DNAH5: variants seen among roughly 807,000 people sequenced by gnomAD.
DNAH5 encodes the protein dynein axonemal heavy chain 5.
A neutral mutation model predicts 518.2 loss-of-function variants in DNAH5; 372 were observed. The ratio of observed to expected loss-of-function variants is 0.72; its 90% CI spans 0.66 to 0.78. The LOEUF (loss-of-function observed/expected upper bound fraction) is 0.78, where lower values mean the gene tolerates loss of function less well. Among genes scored for constraint, DNAH5 ranks in the 30% least tolerant of loss-of-function variants. The pLI is 0.00. For missense variants in DNAH5, 5,523 were observed against 5,687.0 expected (o/e 0.97, Z 0.93); for synonymous variants, 2,039 against 2,025.9 (o/e 1.01, Z -0.17).
Position 13,883,023 on chromosome 5 carries a change from G to A in DNAH5, c.3055C>T (p.Pro1019Ser), listed in dbSNP as rs753792086. ...IFRASVTLAI[P>S]NIVMAPALED... The stretch of plus-strand genomic sequence containing the variant: ...AGGGCAGGGGCCATGACGATGTTGG[G>A]AATGGCCAGAGTGACGCTTGCCCGG... The change falls in exon 20 of 79, where the codon CCC (proline) becomes TCC (serine). Residue 1019 changes from proline (P) to serine (S), a missense_variant. By Grantham distance (74) the Pro-to-Ser change is moderately conservative. Coordinates refer to ENST00000265104, the MANE Select transcript of DNAH5 (RefSeq NM_001369.3). 1.2e-6 allele frequency: 2 copies of A among 1,614,180 alleles called. No homozygotes were observed. Among genetic ancestry groups the A allele is most frequent in the South Asian group, 1.1e-5 (1 of 91,078 alleles).
At chr5:13,935,523 T>C (rs973935266) in intron 1 of DNAH5, among the ~76,000 whole-genome samples, 1 of 152,250 alleles carries the variant, frequency 6.6e-6, no homozygotes, top group Non-Finnish European at 1.5e-5. Flanking sequence ...AAACTGATTG[T>C]TCTATTGCCT....
intron 35 of DNAH5, among the ~76,000 whole-genome samples, chr5:13,831,824 G>C (rs575688740): frequency 6.6e-6 from 1 of 152,318 alleles, no homozygotes; most frequent in Admixed American, 6.5e-5. Context: ...AGACACCACA[G>C]TGTGCTCCAC....
At chr5:13,854,276 A>C (rs2151890898) in intron 30 of DNAH5, among the ~76,000 whole-genome samples, 1 of 152,358 alleles carries the variant, frequency 6.6e-6, no homozygotes, top group South Asian at 2.1e-4. Flanking sequence ...ACTAAGCTTC[A>C]TAAATGAAGG....
chr5:13,900,690 A>T (rs1247483606), intron 14 of DNAH5: 1 of 467,088 alleles, frequency 2.1e-6, no homozygotes, highest in South Asian at 2.4e-5. Context: ...TGGCGTCTCA[A>T]AAGCCATTTA....
rs1460133221 is a variant in DNAH5, at chr5:13,862,615, T to C, written c.4729A>G (p.Ser1577Gly). The C allele has an allele frequency of 1.2e-6, 2 of 1,614,064 alleles. No homozygotes were observed. The highest frequency in any genetic ancestry group is 1.1e-5 in the South Asian group (1 of 91,078). The change falls in exon 29 of 79, where the codon AGT (serine) becomes GGT (glycine). Residue 1577 changes from serine (S) to glycine (G), a missense_variant. Ser to Gly is a moderately conservative substitution (Grantham distance 56). This residue lies in a region of DNAH5 where 5,121 missense variants were observed against 5,223.3 expected (regional missense o/e 0.98). Transcript: ENST00000265104. ...ATGTTGGCGATGATTTCCGAGGTAC[T>C]GTCTCCTCTCAAGAGGAGCTCTCCA... Reference protein sequence around the residue: ...TRGELLLRGDSTSEIIANMED... With the variant: ...TRGELLLRGDGTSEIIANMED...
chr5:13,916,449 T>A lies in DNAH5; in HGVS notation c.1096A>T (p.Met366Leu). 6.5e-7 allele frequency: 1 copy of A among 1,538,750 alleles called. No individual in the cohort carries two copies. Among genetic ancestry groups the A allele is most frequent in the South Asian group, 1.1e-5 (1 of 89,538 alleles). The change falls in exon 9 of 79, where the codon ATG (methionine) becomes TTG (leucine). Residue 366 changes from methionine to leucine, a missense_variant. By Grantham distance (15) the Met-to-Leu change is conservative. This residue lies in a region of DNAH5 where 5,121 missense variants were observed against 5,223.3 expected (regional missense o/e 0.98). Coordinates refer to ENST00000265104, the MANE Select transcript of DNAH5 (RefSeq NM_001369.3). ...DPLYSSDPLS[M>L]MDAIPTLINA... ...ATAAGTGTAGGAATAGCATCCATCA[T>A]GGATAGCTGAAAGATATCACCAAAG... is the stretch of plus-strand genomic sequence containing the variant.
intron 58 of DNAH5, among the ~76,000 whole-genome samples, chr5:13,767,115 T>C (rs560144011): frequency 6.6e-6 from 1 of 152,098 alleles, no homozygotes; most frequent in Non-Finnish European, 1.5e-5. Flanking sequence ...TGTATATATA[T>C]ATAGTTTTGC....
chr5:14,010,313 A>G (rs75120643), intron 1 of DNAH5, among the ~76,000 whole-genome samples: 4,272 of 152,266 alleles, frequency 0.028, 76 homozygotes, highest in Middle Eastern at 0.085. Flanking sequence ...GTTCAACTCG[A>G]ACAGACCAAG....
intron 15 of DNAH5, chr5:13,899,711 T>C (rs1010594570): frequency 1.2e-5 from 2 of 162,762 alleles, no homozygotes; most frequent in Non-Finnish European, 2.7e-5. Context: ...CTTTAATTCA[T>C]GGAACTGCTC....
At chr5:14,008,531 T>G (rs1477426036) in intron 1 of DNAH5, among the ~76,000 whole-genome samples, 1 of 151,648 alleles carries the variant, frequency 6.6e-6, no homozygotes, top group African/African-American at 2.4e-5. Flanking sequence ...AGCTGTGGTA[T>G]GAGAATCACA....
At chr5:13,753,069 A>G (rs1750465198) in intron 63 of DNAH5, among the ~76,000 whole-genome samples, 164 bp downstream of exon 63, 1 of 152,226 alleles carries the variant, frequency 6.6e-6, no homozygotes, top group Admixed American at 6.5e-5. Flanking sequence ...TGAAAGTTTT[A>G]GAAAATATTT....
chr5:13,900,390 A>G lies in DNAH5; in HGVS notation c.2075T>C (p.Leu692Pro). 1 of 1,614,184 alleles carries G rather than the reference A, an allele frequency of 6.2e-7. No homozygotes were observed. The highest frequency in any genetic ancestry group is 8.5e-7 in the Non-Finnish European group (1 of 1,180,006). The change falls in exon 15 of 79, where the codon CTT (leucine) becomes CCT (proline). Residue 692 changes from leucine to proline, a missense_variant. By Grantham distance (98) the Leu-to-Pro change is moderately conservative. Transcript: ENST00000265104. Reference sequence around the variant, plus strand: ...AGCCTTCACCAATAATGAAGCCTCAAGACCTACATGAATTTCTTCAATCTG... The same window carrying G: ...AGCCTTCACCAATAATGAAGCCTCAGGACCTACATGAATTTCTTCAATCTG... ...LRQIEEIHVG[L>P]EASLLVKAPG...
intron 1 of DNAH5, among the ~76,000 whole-genome samples, chr5:13,962,915 C>T (rs1781279050): frequency 6.6e-6 from 1 of 152,124 alleles, no homozygotes; most frequent in African/African-American, 2.4e-5. Flanking sequence ...AGCTGCTCGG[C>T]CAGCCTCACA....
intron 1 of DNAH5, among the ~76,000 whole-genome samples, chr5:14,005,430 G>C (rs934994686): frequency 6.6e-6 from 1 of 152,072 alleles, no homozygotes; most frequent in Non-Finnish European, 1.5e-5. Context: ...AACATCACAG[G>C]AACACAAAAA....
chr5:13,770,698 G>C, intron 56 of DNAH5, 51 bp downstream of exon 56: 1 of 1,539,296 alleles, frequency 6.5e-7, no homozygotes, highest in South Asian at 1.1e-5. Flanking sequence ...ATCTGTCCCT[G>C]GTTGAGAGCC....
At chr5:13,842,093 T>C (rs1476342537) in intron 32 of DNAH5, among the ~76,000 whole-genome samples, 189 bp from the exon 33 acceptor site, 2 of 150,670 alleles carry the variant, frequency 1.3e-5, no homozygotes, top group African/African-American at 4.9e-5. Flanking sequence ...ACAAAATCAA[T>C]TCCAGGCCAG....
chr5:13,770,640 A>C, intron 56 of DNAH5, 109 bp downstream of exon 56: 2 of 906,452 alleles, frequency 2.2e-6, no homozygotes, highest in Non-Finnish European at 3.4e-6. Context: ...CGCCACAGCT[A>C]TGATACACAA....
chr5:13,701,452 T>A lies in DNAH5; in HGVS notation c.13339-16A>T, dbSNP rs1742107711. Reference sequence around the variant, plus strand: ...TCCAAGAAGCCTGCAATGAAGACATTAAAACAATTAATTGATGTAAGTTTA... The same window carrying A: ...TCCAAGAAGCCTGCAATGAAGACATAAAAACAATTAATTGATGTAAGTTTA... On this transcript the variant is annotated splice_polypyrimidine_tract_variant and intron_variant, in intron 76 of 78. Transcript: ENST00000265104. The A allele has an allele frequency of 1.2e-6, 2 of 1,600,702 alleles. No individual in the cohort carries two copies. Among genetic ancestry groups the A allele is most frequent in the East Asian group, 4.5e-5 (2 of 44,798 alleles).
intron 51 of DNAH5, 130 bp downstream of exon 51, chr5:13,788,586 G>T: frequency 1.3e-6 from 1 of 762,164 alleles, no homozygotes; most frequent in Non-Finnish European, 2.3e-6. Context: ...AGCATCTACT[G>T]TGTCTCAGGC....
Sources: allele counts gnomAD v4.1 joint callset (sites outside exome capture counted in the v4.1 genomes callset), GRCh38; gene constraint gnomAD v4.1.1; regional missense constraint gnomAD v4.1.1; transcripts MANE v1.5; gene names NCBI Gene and HGNC (gene_info 2026-07-23, HGNC 2026-07-21).